Variants in EXTL3 observed in about 807,000 individuals in gnomAD.
EXTL3 encodes exostosin-like 3.
Under a neutral mutation model 69.3 loss-of-function variants are expected in EXTL3, and 27 were observed. The observed-to-expected ratio is 0.39, with a 90% CI of 0.29 to 0.54. The LOEUF (loss-of-function observed/expected upper bound fraction) is 0.54. Ranked by LOEUF, EXTL3 falls within the 20% of genes least tolerant of loss-of-function variation. The pLI is 0.69. For missense variants in EXTL3, 1,003 were observed against 1,231.8 expected (o/e 0.81, Z 2.78); for synonymous variants, 511 against 499.4 (o/e 1.02, Z -0.31).
intron 6 of EXTL3, chr8:28,744,090 G>A (rs2130794880): frequency 1.3e-5 from 2 of 152,296 alleles, no homozygotes; most frequent in Middle Eastern, 6.8e-3. Context: ...GCTGGTAAGG[G>A]TTAGGATAGC....
At chr8:28,639,768 C>T (rs574461365) in intron 1 of EXTL3, among the ~76,000 whole-genome samples, 6 of 152,224 alleles carry the variant, frequency 3.9e-5, no homozygotes, top group Non-Finnish European at 8.8e-5. Context: ...GAACATTCTA[C>T]TTTTTCCATC....
chr8:28,716,005 C>A lies in EXTL3; in HGVS notation c.-55C>A. The A allele has an allele frequency of 1.4e-6, 2 of 1,442,022 alleles. No homozygotes were observed. Among genetic ancestry groups the A allele is most frequent in the Non-Finnish European group, 9.5e-7 (1 of 1,049,130 alleles). 89.3% of individuals were successfully genotyped at this position (1,442,022 alleles called of 1,614,324 possible). On this transcript the variant is annotated 5_prime_UTR_variant, in exon 3 of 7. Transcript: ENST00000220562. The surrounding 1 kb of genome is among the most constrained non-coding windows in gnomAD (Gnocchi z 7.1). The stretch of plus-strand genomic sequence containing the variant: ...AGAGATCGTTTTGTGGAATAGCAAC[C>A]CATGGTTATGGCGAGTGACCCGACG...
At chr8:28,746,816 T>C (rs2130799356) in intron 6 of EXTL3, among the ~76,000 whole-genome samples, 1 of 152,192 alleles carries the variant, frequency 6.6e-6, no homozygotes, top group South Asian at 2.1e-4. Context: ...GCTGGGACTA[T>C]AGGCGTGTGC....
chr8:28,641,001 T>G (rs1280169445), intron 1 of EXTL3, among the ~76,000 whole-genome samples: 1 of 152,222 alleles, frequency 6.6e-6, no homozygotes, highest in Admixed American at 6.5e-5. Flanking sequence ...CTTTTTAAAA[T>G]GTACTTTTGG....
intron 1 of EXTL3, among the ~76,000 whole-genome samples, chr8:28,706,842 T>A (rs1800933717): frequency 6.6e-6 from 1 of 152,182 alleles, no homozygotes; most frequent in African/African-American, 2.4e-5. Flanking sequence ...TTTAAGCTTT[T>A]TTTTTTTCCT....
chr8:28,749,540 G>A (rs1271121516), intron 6 of EXTL3, among the ~76,000 whole-genome samples: 1 of 152,198 alleles, frequency 6.6e-6, no homozygotes, highest in East Asian at 1.9e-4. Context: ...CCGCTTTGCA[G>A]GTGTCACTTC....
At chr8:28,748,940 G>A (rs1801946828) in intron 6 of EXTL3, among the ~76,000 whole-genome samples, 1 of 151,692 alleles carries the variant, frequency 6.6e-6, no homozygotes, top group Non-Finnish European at 1.5e-5. Flanking sequence ...GAGTCCCCAG[G>A]GAAAAAACAA....
downstream of EXTL3, among the ~76,000 whole-genome samples, chr8:28,755,806 G>A (rs971846040): frequency 2.6e-5 from 4 of 151,928 alleles, no homozygotes; most frequent in East Asian, 7.8e-4. Context: ...TGTTAGCATT[G>A]AAACTACTTA....
At chr8:28,632,570 T>C (rs921371885) in intron 1 of EXTL3, among the ~76,000 whole-genome samples, 2 of 150,848 alleles carry the variant, frequency 1.3e-5, no homozygotes, top group Non-Finnish European at 3.0e-5. Flanking sequence ...TTTTTTTTTT[T>C]TTGAGAGGAG....
intron 1 of EXTL3, among the ~76,000 whole-genome samples, chr8:28,628,316 C>T (rs1471980997): frequency 6.6e-6 from 1 of 151,858 alleles, no homozygotes; most frequent in Non-Finnish European, 1.5e-5. Context: ...GAGCTGAGAT[C>T]GTAACACTGC....
chr8:28,669,778 G>A (rs141596470), intron 1 of EXTL3, among the ~76,000 whole-genome samples: 76 of 152,246 alleles, frequency 5.0e-4, no homozygotes, highest in African/African-American at 1.6e-3. Context: ...GTGTCTAAAT[G>A]AACATGCGTT....
rs200630806 is a variant in EXTL3 at position 28,624,599 on chromosome 8, GAAAC to G, written c.-53+1793_-53+1796del. Among the ~76,000 whole-genome samples the G allele has an allele frequency of 7.6e-3, 1,149 of 152,132 alleles. 9 individuals are homozygous for G. The highest frequency in any genetic ancestry group is 0.027 in the African/African-American group (1,109 of 41,504). Reference sequence around the variant, plus strand: ...ATCATTTTGTAATTGTGAGTAAAAAGAAACAAATCTTTAAAAGATTAAAAACAAG... The same window carrying G: ...ATCATTTTGTAATTGTGAGTAAAAAGAAATCTTTAAAAGATTAAAAACAAG... On this transcript the variant is annotated intron_variant, in intron 1 of 6. Coordinates refer to the EXTL3 transcript ENST00000523149.
At chr8:28,672,623 G>A (rs530246243) in intron 1 of EXTL3, among the ~76,000 whole-genome samples, 1 of 152,060 alleles carries the variant, frequency 6.6e-6, no homozygotes, top group South Asian at 2.1e-4. Context: ...ATCCAAAACC[G>A]ACTAAATCAG....
rs1801795644 is a variant in EXTL3, at chr8:28,742,237, T to C, written c.2422-849T>C. The C allele has an allele frequency of 2.0e-5, 3 of 152,340 alleles. No homozygotes were observed. The East Asian group carries it at 5.8e-4, about 29-fold the overall frequency. 9.4% of individuals were successfully genotyped at this position (152,340 alleles called of 1,614,324 possible). The stretch of plus-strand genomic sequence containing the variant: ...TATTGCATGGATTTTTAATATAATT[T>C]TAATTTATTTAATTTGAAGTTTATG... On this transcript the variant is annotated intron_variant, in intron 5 of 6. Transcript: ENST00000220562.
chr8:28,694,599 C>T (rs546210557), intron 1 of EXTL3, among the ~76,000 whole-genome samples: 4 of 152,252 alleles, frequency 2.6e-5, no homozygotes, highest in African/African-American at 9.6e-5. Flanking sequence ...AATTAGTTAA[C>T]CTCCCTGGGC....
At chr8:28,624,519 C>T (rs1806462435) in intron 1 of EXTL3, among the ~76,000 whole-genome samples, 1 of 152,056 alleles carries the variant, frequency 6.6e-6, no homozygotes, top group African/African-American at 2.4e-5. Flanking sequence ...ACTGAGACCA[C>T]CCCACTGCAC....
At chr8:28,621,936 C>T (rs759952343), upstream of EXTL3, among the ~76,000 whole-genome samples, 1 of 152,172 alleles carries the variant, frequency 6.6e-6, no homozygotes, top group Non-Finnish European at 1.5e-5. Flanking sequence ...TAGCGACTTA[C>T]TAGTCATTTG....
chr8:28,649,810 GTATACATTATT>G (rs1806888043), intron 1 of EXTL3, among the ~76,000 whole-genome samples: 1 of 151,998 alleles, frequency 6.6e-6, no homozygotes, highest in Non-Finnish European at 1.5e-5. Context: ...CCCAAATCAT[GTATACATTATT>G]CTATGTTTTC....
chr8:28,712,642 CT>C (rs1482479062), intron 1 of EXTL3, among the ~76,000 whole-genome samples: 1 of 152,044 alleles, frequency 6.6e-6, no homozygotes, highest in Non-Finnish European at 1.5e-5. Flanking sequence ...TTCTTTTGTG[CT>C]TGAAATAATT....
Sources: gnomAD v4.1 joint callset for allele counts (sites outside exome capture counted in the v4.1 genomes callset) on GRCh38, gnomAD v4.1.1 for gene constraint, Gnocchi (gnomAD v3.1) non-coding constraint, MANE v1.5 for transcripts, NCBI Gene and HGNC (gene_info 2026-07-23, HGNC 2026-07-21) for gene names.